The following EIF4G3 variants were observed in gnomAD, a reference collection of about 807,000 sequenced individuals.
The protein encoded by EIF4G3 is eIF-4-gamma 3.
EIF4G3 carries 34 observed loss-of-function variants against 186.4 expected under a neutral mutation model. That is an observed-to-expected ratio of 0.18 (90% confidence interval 0.14 to 0.24). The LOEUF (loss-of-function observed/expected upper bound fraction) is 0.24, where lower values mean the gene tolerates loss of function less well. Ranked by LOEUF, EIF4G3 falls within the 10% of genes least tolerant of loss-of-function variation. The pLI, the probability that EIF4G3 is intolerant of heterozygous loss-of-function variation, is 1.00. For synonymous variants in EIF4G3, 673 were observed against 679.5 expected (o/e 0.99, Z 0.15); for missense variants, 1,536 against 1,948.5 (o/e 0.79, Z 3.99).
At chr1:20,878,464 T>C (rs984128139) in intron 20 of EIF4G3, among the ~76,000 whole-genome samples, 4 of 152,196 alleles carry the variant, frequency 2.6e-5, no homozygotes, top group African/African-American at 9.7e-5. Flanking sequence ...GAAATACTTA[T>C]TTTCAAATGG....
chr1:21,138,799 A>G (rs1000926513), intron 2 of EIF4G3, among the ~76,000 whole-genome samples: 6 of 152,198 alleles, frequency 3.9e-5, no homozygotes, highest in African/African-American at 1.4e-4. Context: ...CAACAGAGCA[A>G]GACTGTTTCA....
At chr1:21,171,817 A>C (rs1414962726) in intron 2 of EIF4G3, among the ~76,000 whole-genome samples, 1 of 152,216 alleles carries the variant, frequency 6.6e-6, no homozygotes, top group Non-Finnish European at 1.5e-5. Context: ...ATCTACTACA[A>C]TGAAAGAGCC....
intron 30 of EIF4G3, among the ~76,000 whole-genome samples, chr1:20,836,802 A>G (rs2066885841): frequency 1.3e-5 from 2 of 152,186 alleles, no homozygotes; most frequent in South Asian, 2.1e-4. Flanking sequence ...GCACTCAACT[A>G]TATTTACTAG....
chr1:20,975,772 G>C (rs1570111982), intron 10 of EIF4G3, among the ~76,000 whole-genome samples: 1 of 151,946 alleles, frequency 6.6e-6, no homozygotes, highest in East Asian at 1.9e-4. Flanking sequence ...CTTATGCATG[G>C]AATGAAGTAC....
At chr1:21,046,090 T>C (rs1208200449) in intron 4 of EIF4G3, among the ~76,000 whole-genome samples, 1 of 152,236 alleles carries the variant, frequency 6.6e-6, no homozygotes, top group East Asian at 1.9e-4. Context: ...CAGGGAGATT[T>C]ACTTTGCAAT....
At chr1:20,855,406 TA>T (rs1158830725) in intron 25 of EIF4G3, among the ~76,000 whole-genome samples, 1 of 152,170 alleles carries the variant, frequency 6.6e-6, no homozygotes, top group Non-Finnish European at 1.5e-5. Context: ...ATTTTAAAAA[TA>T]AAAAATACAA....
chr1:20,913,689 GTTAT>G (rs1301476547), intron 14 of EIF4G3, among the ~76,000 whole-genome samples: 6 of 147,284 alleles, frequency 4.1e-5, no homozygotes, highest in South Asian at 2.1e-4. Context: ...CTGTTTTCTT[GTTAT>G]TTGTTACATT....
At chr1:20,964,883 A>C (rs977929130) in intron 12 of EIF4G3, among the ~76,000 whole-genome samples, 1 of 152,148 alleles carries the variant, frequency 6.6e-6, no homozygotes, top group Non-Finnish European at 1.5e-5. Context: ...GCAAATCCAT[A>C]ACTCCAGTGG....
chr1:20,898,377 GT>G (rs1368600761), intron 16 of EIF4G3, among the ~76,000 whole-genome samples: 1 of 151,978 alleles, frequency 6.6e-6, no homozygotes. Flanking sequence ...AAATAAAGTG[GT>G]AAGTACTAGT....
intron 3 of EIF4G3, among the ~76,000 whole-genome samples, chr1:21,075,589 AAAAAAAAAAAAAAAAGAC>A (rs1394710019): frequency 6.9e-6 from 1 of 145,376 alleles, no homozygotes; most frequent in Non-Finnish European, 1.5e-5. Flanking sequence ...AAAAAAAAAA[AAAAAAAAAAAAAAAAGAC>A]AGACATAGAC....
At chr1:21,117,756 A>AAAAAAAAAAAAAAAAAAAAAAAAAC (rs2096853293) in intron 2 of EIF4G3, among the ~76,000 whole-genome samples, 1 of 146,958 alleles carries the variant, frequency 6.8e-6, no homozygotes, top group Non-Finnish European at 1.5e-5. Flanking sequence ...AAAAAAAAAA[A>AAAAAAAAAAAAAAAAAAAAAAAAAC]AAAAATTAAA....
chr1:20,967,250 A>AT (rs2074898172), intron 12 of EIF4G3, among the ~76,000 whole-genome samples: 1 of 152,266 alleles, frequency 6.6e-6, no homozygotes, highest in Admixed American at 6.5e-5. Context: ...TTGAGAATTT[A>AT]AACAGAAATC....
At chr1:21,044,968 TG>T (rs1297340122) in intron 4 of EIF4G3, among the ~76,000 whole-genome samples, 1 of 152,086 alleles carries the variant, frequency 6.6e-6, no homozygotes, top group Non-Finnish European at 1.5e-5. Context: ...GTCCCATCTC[TG>T]CAAAAAATTA....
At chr1:20,995,484 G>T (rs915565011) in intron 7 of EIF4G3, among the ~76,000 whole-genome samples, 10 of 152,010 alleles carry the variant, frequency 6.6e-5, no homozygotes, top group African/African-American at 1.9e-4. Context: ...GTGATCGCTT[G>T]CCTCAGCCTC....
chr1:20,825,879 A>G (rs967605532), intron 32 of EIF4G3, among the ~76,000 whole-genome samples: 5 of 152,218 alleles, frequency 3.3e-5, no homozygotes, highest in African/African-American at 1.2e-4. Flanking sequence ...AATAAAGAAG[A>G]GCTGTTGTCA....
chr1:20,830,383 T>C (rs1251269389), intron 30 of EIF4G3, among the ~76,000 whole-genome samples: 1 of 152,234 alleles, frequency 6.6e-6, no homozygotes, highest in Non-Finnish European at 1.5e-5. Context: ...TAATTCCAAC[T>C]TTCTGACCTC....
intron 23 of EIF4G3, among the ~76,000 whole-genome samples, chr1:20,861,856 C>A (rs971959175): frequency 1.3e-5 from 2 of 152,070 alleles, no homozygotes; most frequent in African/African-American, 4.8e-5. Flanking sequence ...TGCCTGTAAT[C>A]CCAGCTATTC....
At chr1:20,878,685 G>A (rs866940392) in intron 20 of EIF4G3, among the ~76,000 whole-genome samples, 4 of 152,064 alleles carry the variant, frequency 2.6e-5, no homozygotes, top group Admixed American at 6.6e-5. Flanking sequence ...CAAGTACCTC[G>A]GTAACAATAA....
At chr1:21,155,058 T>C (rs1043623308) in intron 2 of EIF4G3, among the ~76,000 whole-genome samples, 1 of 147,414 alleles carries the variant, frequency 6.8e-6, no homozygotes, top group Non-Finnish European at 1.5e-5. Flanking sequence ...AGGTCAGGAG[T>C]TCAAGACCAG....
Sources: allele counts gnomAD v4.1 joint callset (sites outside exome capture counted in the v4.1 genomes callset), GRCh38; gene constraint gnomAD v4.1.1; transcripts MANE v1.5; gene names NCBI Gene and HGNC (gene_info 2026-07-23, HGNC 2026-07-21).